Variants in NIPBL observed in about 807,000 individuals in gnomAD.
The protein encoded by NIPBL is NIPBL cohesin loading factor.
NIPBL carries 19 observed loss-of-function variants against 321.8 expected under a neutral mutation model. The ratio of observed to expected loss-of-function variants is 0.06; its 90% CI spans 0.04 to 0.09. The LOEUF is 0.09. Ranked by LOEUF, NIPBL falls within the 10% of genes least tolerant of loss-of-function variation. The probability of loss-of-function intolerance (pLI) is 1.00; values close to 1 mark genes in which losing one functional copy is unlikely to be tolerated. For synonymous variants in NIPBL, 1,106 were observed against 1,114.1 expected (o/e 0.99, Z 0.14); for missense variants, 2,210 against 3,327.0 (o/e 0.66, Z 8.26).
intron 1 of NIPBL, among the ~76,000 whole-genome samples, chr5:36,878,031 A>G (rs1240155217): frequency 1.3e-5 from 2 of 152,218 alleles, no homozygotes; most frequent in African/African-American, 2.4e-5. Context: ...ACTATACGTA[A>G]AACACTCAGG....
At chr5:36,913,610 C>G (rs1748222576) in intron 1 of NIPBL, among the ~76,000 whole-genome samples, 1 of 152,056 alleles carries the variant, frequency 6.6e-6, no homozygotes, top group South Asian at 2.1e-4. Context: ...TGGGCTCAAG[C>G]AGTCCTTCTG....
intron 10 of NIPBL, among the ~76,000 whole-genome samples, chr5:36,992,774 G>A (rs949536183): frequency 6.0e-5 from 9 of 149,112 alleles, no homozygotes; most frequent in African/African-American, 2.0e-4. Context: ...ATGGAGTCTC[G>A]CTGTGTTGCC....
At chr5:36,921,910 G>A (rs1254132215) in intron 1 of NIPBL, among the ~76,000 whole-genome samples, 3 of 146,302 alleles carry the variant, frequency 2.1e-5, no homozygotes, top group African/African-American at 5.1e-5. Flanking sequence ...TTTTTGAAAC[G>A]AAGTCTTGCT....
At chr5:37,024,548 A>G (rs202169631) in intron 29 of NIPBL, 37 bp from the exon 30 acceptor site, 15 of 1,578,620 alleles carry the variant, frequency 9.5e-6, no homozygotes, top group Middle Eastern at 1.7e-4. Flanking sequence ...AGGCATCTCA[A>G]TTTTTCTGAC....
At chr5:36,910,580 G>T (rs944594882) in intron 1 of NIPBL, among the ~76,000 whole-genome samples, 3 of 152,116 alleles carry the variant, frequency 2.0e-5, no homozygotes, top group African/African-American at 7.2e-5. Context: ...TGTGAAGCTG[G>T]TCTCTTTTCG....
In NIPBL at chr5:36,985,256, A is replaced by C. The variant is rs1191498766; in HGVS notation, c.2076A>C (p.Arg692Ser). ...KPNDNKQNNGRSETTKSRPET... is the reference protein window; with the variant it reads ...KPNDNKQNNGSSETTKSRPET... ...ATGACAACAAACAAAATAATGGCAG[A>C]TCAGAAACAACAAAATCAAGGCCTG... Residue 692 changes from arginine to serine, a missense_variant, in exon 10 of 47, where the codon AGA becomes AGC. Physicochemically the swap from Arg to Ser is moderately radical, Grantham distance 110. Around this residue, in one of 14 missense-constraint regions of NIPBL, gnomAD observed 588 missense variants for 564.1 expected, o/e 1.04. Coordinates refer to ENST00000282516, the MANE Select transcript of NIPBL (RefSeq NM_133433.4). 2 of 1,613,802 alleles carry C rather than the reference A, an allele frequency of 1.2e-6. No homozygotes were observed. Among genetic ancestry groups the C allele is most frequent in the Non-Finnish European group, 1.7e-6 (2 of 1,179,944 alleles).
intron 1 of NIPBL, among the ~76,000 whole-genome samples, chr5:36,944,453 T>G (rs913414894): frequency 1.3e-5 from 2 of 152,152 alleles, no homozygotes; most frequent in Non-Finnish European, 2.9e-5. Context: ...CTTGAAGAAC[T>G]GAAGATCAAA....
At position 36,985,817 on chromosome 5, in the gene NIPBL, A is replaced by C. The variant is rs749708811; in HGVS notation, c.2637A>C (p.Glu879Asp). The C allele has an allele frequency of 6.2e-7, 1 of 1,613,964 alleles. No individual in the cohort carries two copies. Among genetic ancestry groups the C allele is most frequent in the Non-Finnish European group, 8.5e-7 (1 of 1,179,934 alleles). ...GGCATGAATCAGGGGACTCAAGGGA[A>C]AGACCATCTTCTGGGGAACAAAAAT... Reference protein sequence around the residue: ...KHRHESGDSRERPSSGEQKSR... With the variant: ...KHRHESGDSRDRPSSGEQKSR... Residue 879 changes from glutamate to aspartate, a missense_variant, in exon 10 of 47, where the codon GAA becomes GAC. This residue lies in a region of NIPBL where 588 missense variants were observed against 564.1 expected (regional missense o/e 1.04). Transcript: ENST00000282516.
intron 3 of NIPBL, 143 bp downstream of exon 3, chr5:36,955,780 C>A: frequency 1.5e-6 from 1 of 666,064 alleles, no homozygotes; most frequent in Non-Finnish European, 2.6e-6. Context: ...AGAATATAGT[C>A]TTATTGCAAT....
intron 1 of NIPBL, among the ~76,000 whole-genome samples, chr5:36,939,787 A>G (rs747683189): frequency 6.6e-6 from 1 of 152,140 alleles, no homozygotes; most frequent in Non-Finnish European, 1.5e-5. Flanking sequence ...GGAGAAATAG[A>G]AGGGGACAGA....
At chr5:36,969,461 C>A (rs1183592992) in intron 6 of NIPBL, among the ~76,000 whole-genome samples, 3 of 152,072 alleles carry the variant, frequency 2.0e-5, no homozygotes, top group African/African-American at 7.2e-5. Context: ...AGGAACATAC[C>A]CATGGACAAA....
intron 16 of NIPBL, among the ~76,000 whole-genome samples, chr5:37,003,671 T>C (rs141589808): frequency 6.7e-6 from 1 of 150,252 alleles, no homozygotes; most frequent in Non-Finnish European, 1.5e-5. Context: ...GAGGGACTAA[T>C]GTGAATTTTT....
intron 32 of NIPBL, among the ~76,000 whole-genome samples, chr5:37,035,422 G>A (rs954906237): frequency 1.3e-5 from 2 of 152,230 alleles, no homozygotes; most frequent in East Asian, 3.8e-4. Context: ...GGCAGTGTGT[G>A]TGTTATGTTA....
At chr5:37,023,993 T>TA (rs1381063798) in intron 29 of NIPBL, among the ~76,000 whole-genome samples, 2 of 151,806 alleles carry the variant, frequency 1.3e-5, no homozygotes, top group Non-Finnish European at 2.9e-5. Flanking sequence ...GGTGAAACAC[T>TA]GTTTCTACTA....
At chr5:37,057,618 A>C in intron 43 of NIPBL, among the ~76,000 whole-genome samples, 1 of 152,262 alleles carries the variant, frequency 6.6e-6, no homozygotes, top group East Asian at 1.9e-4. Flanking sequence ...GCATCCATTC[A>C]TACATTCATT....
At position 37,038,707 on chromosome 5, in the gene NIPBL, C is replaced by T; in HGVS notation, c.6077C>T (p.Thr2026Ile). ...RPQLMVKHAM[T>I]MQPYLTTKCS... ...CAGCTCATGGTTAAACATGCAATGA[C>T]TATGCAACCATACCTTACCACTAAA... The change falls in exon 34 of 47, where the codon ACT (threonine) becomes ATT (isoleucine). Residue 2026 changes from threonine to isoleucine, a missense_variant. Physicochemically the swap from Thr to Ile is moderately conservative, Grantham distance 89. Transcript: ENST00000282516. 1 of 1,613,674 alleles carries T rather than the reference C, an allele frequency of 6.2e-7. No individual in the cohort carries two copies. Among genetic ancestry groups the T allele is most frequent in the East Asian group, 2.2e-5 (1 of 44,802 alleles).
At chr5:36,946,465 A>C (rs1438552392) in intron 1 of NIPBL, among the ~76,000 whole-genome samples, 2 of 151,928 alleles carry the variant, frequency 1.3e-5, no homozygotes, top group African/African-American at 4.8e-5. Context: ...ATTTTGTAGA[A>C]TCCTTTTTAT....
rs1428993044 is a variant in NIPBL, at chr5:36,943,159, C to CA, written c.-79-10453dup. Among the ~76,000 whole-genome samples, 14 of 151,956 alleles carry CA rather than the reference C, an allele frequency of 9.2e-5. No individual in the cohort carries two copies. In the South Asian group the frequency reaches 2.3e-3, roughly 25 times the overall value. On this transcript the variant is annotated intron_variant, in intron 1 of 46. Coordinates refer to ENST00000282516, the MANE Select transcript of NIPBL (RefSeq NM_133433.4). The stretch of plus-strand genomic sequence containing the variant: ...CTGTGAATACGGAAGGCCAACTGTA[C>CA]AAAAAAGATCCCAGAATTAATAAGT...
intron 11 of NIPBL, among the ~76,000 whole-genome samples, chr5:36,999,844 G>C (rs1746581441): frequency 6.6e-6 from 1 of 152,162 alleles, no homozygotes. Flanking sequence ...GGTCACCAGG[G>C]CTTATGGAAT....
Sources: allele counts gnomAD v4.1 joint callset (sites outside exome capture counted in the v4.1 genomes callset), GRCh38; gene constraint gnomAD v4.1.1; regional missense constraint gnomAD v4.1.1; transcripts MANE v1.5; gene names NCBI Gene and HGNC (gene_info 2026-07-23, HGNC 2026-07-21).